The following EXOC3L4 variants were observed in gnomAD, a reference collection of about 807,000 sequenced individuals.
The protein encoded by EXOC3L4 is exocyst complex component 3-like protein 4.
EXOC3L4 carries 62 observed loss-of-function variants against 69.7 expected under a neutral mutation model. The observed-to-expected ratio is 0.89, with a 90% CI of 0.72 to 1.10. The LOEUF (loss-of-function observed/expected upper bound fraction) is 1.10, where lower values mean the gene tolerates loss of function less well. Ranked by LOEUF, EXOC3L4 falls within the 50% of genes least tolerant of loss-of-function variation. EXOC3L4 has a pLI of 0.00. For missense variants in EXOC3L4, 1,087 were observed against 1,034.8 expected, an observed-to-expected ratio of 1.05 and a Z score of -0.69; for synonymous variants, 502 against 464.2, an observed-to-expected ratio of 1.08 and a Z score of -1.05.
At chr14:103,108,361 G>C (rs754387947) in intron 10 of EXOC3L4, 35 bp from the exon 11 acceptor site, 17 of 1,608,034 alleles carry the variant, frequency 1.1e-5, no homozygotes, top group Middle Eastern at 3.3e-4. Flanking sequence ...GGTGGGGAGA[G>C]GGCTGTTGGG....
intron 8 of EXOC3L4, 131 bp from the exon 9 acceptor site, chr14:103,107,293 G>A: frequency 2.9e-5 from 40 of 1,393,890 alleles, no homozygotes; most frequent in Non-Finnish European, 3.9e-5. Flanking sequence ...GACATAACCT[G>A]TGGCTAGGAG....
upstream of EXOC3L4, among the ~76,000 whole-genome samples, chr14:103,094,197 C>G (rs1286829772): frequency 6.6e-6 from 1 of 152,162 alleles, no homozygotes; most frequent in African/African-American, 2.4e-5. Flanking sequence ...TCCTGTCTGT[C>G]CCTAGGGCCC....
intron 10 of EXOC3L4, 67 bp from the exon 11 acceptor site, chr14:103,108,329 C>T (rs1890697299): frequency 1.3e-6 from 2 of 1,586,974 alleles, no homozygotes; most frequent in African/African-American, 2.7e-5. Flanking sequence ...TGACCTCGCG[C>T]TCTTGCAGGA....
Position 103,103,988 on chromosome 14 carries a change from T to G in EXOC3L4, c.1097T>G (p.Leu366Arg), listed in dbSNP as rs1308622280. The change falls in exon 4 of 12, where the codon CTG (leucine) becomes CGG (arginine). Residue 366 changes from leucine (L) to arginine (R), a missense_variant. By Grantham distance (102) the Leu-to-Arg change is moderately radical. Transcript: ENST00000688303. ...APGLALPAEP[L>R]PPLLAPDVWA... ...GGGCTGGCGCTGCCCGCCGAGCCGC[T>G]GCCTCCGCTCCTGGCGCCGGACGTG... is the stretch of plus-strand genomic sequence containing the variant. The G allele has an allele frequency of 6.4e-7, 1 of 1,572,046 alleles. No homozygotes were observed. Among genetic ancestry groups the G allele is most frequent in the South Asian group, 1.1e-5 (1 of 87,042 alleles).
Position 103,100,575 on chromosome 14 carries a change from C to T in EXOC3L4, c.356C>T (p.Ser119Phe), listed in dbSNP as rs867924795. 3 of 1,608,830 alleles carry T rather than the reference C, an allele frequency of 1.9e-6. No homozygotes were observed. The highest frequency in any genetic ancestry group is 2.5e-6 in the Non-Finnish European group (3 of 1,176,474). Residue 119 changes from serine (S) to phenylalanine (F), a missense_variant, in exon 2 of 12, where the codon TCC becomes TTC. By Grantham distance (155) the Ser-to-Phe change is radical. Coordinates refer to ENST00000688303, the MANE Select transcript of EXOC3L4 (RefSeq NM_001077594.2). ...ATGAATGGTGTCAGCCAGCAGGCAT[C>T]CACTGGGGCAGCGTCTGAGGAACTG... Reference protein sequence around the residue: ...GVMNGVSQQASTGAASEELKP... With the variant: ...GVMNGVSQQAFTGAASEELKP...
chr14:103,097,102 G>A lies in EXOC3L4; in HGVS notation c.-17+2262G>A, dbSNP rs1185736330. Among the ~76,000 whole-genome samples, 1 of 127,128 alleles carries A rather than the reference G, an allele frequency of 7.9e-6. No individual in the cohort carries two copies. Among genetic ancestry groups the A allele is most frequent in the East Asian group, 2.7e-4 (1 of 3,700 alleles). 83.4% of individuals were successfully genotyped at this position (127,128 alleles called of 152,430 possible). A position where few individuals can be genotyped will look rare whatever the true frequency, so the allele number is the denominator to read the frequency against. On this transcript the variant is annotated intron_variant, in intron 1 of 11. Coordinates refer to ENST00000688303, the MANE Select transcript of EXOC3L4 (RefSeq NM_001077594.2). This position sits in a 1 kb window ranked among gnomAD's most constrained non-coding sequence, Gnocchi z 4.9. ...CAGCTACGGGAGGGAAGGTCTAGGGGAAAGCGGGGAGTAGAAGCTGAGGCT... is the reference window on the plus strand; with the variant it reads ...CAGCTACGGGAGGGAAGGTCTAGGGAAAAGCGGGGAGTAGAAGCTGAGGCT...
rs781630422 is a variant in EXOC3L4 at position 103,106,833 on chromosome 14, G to A, written c.1515G>A (p.Lys505=). 1.9e-6 allele frequency: 3 copies of A among 1,596,262 alleles called. No individual in the cohort carries two copies. Among genetic ancestry groups the A allele is most frequent in the South Asian group, 1.1e-5 (1 of 88,064 alleles). The change falls in exon 8 of 12, where the codon AAG becomes AAA. Residue 505 remains lysine (K), a synonymous_variant. Coordinates refer to ENST00000688303, the MANE Select transcript of EXOC3L4 (RefSeq NM_001077594.2). ...CAGGAACCCAAGAGGAGCTGGAGAA[G>A]CCCCTGGTGACGGCCACCTGCAGCT... The part of the protein sequence containing the change: ...RFPGTQEELE[K]PLVTATCSFQ...
At chr14:103,100,073 T>C in intron 1 of EXOC3L4, 131 bp from the exon 2 acceptor site, 3 of 1,020,746 alleles carry the variant, frequency 2.9e-6, no homozygotes, top group Non-Finnish European at 2.7e-6. Flanking sequence ...TGGTGATGCT[T>C]CCTTTTGACA....
intron 11 of EXOC3L4, among the ~76,000 whole-genome samples, chr14:103,109,207 T>G (rs1399081520): frequency 6.2e-5 from 3 of 48,762 alleles, no homozygotes; most frequent in Admixed American, 5.2e-4. Flanking sequence ...CCTGTCCCCA[T>G]GTCTCCCTCC....
chr14:103,105,206 G>C, intron 7 of EXOC3L4, 134 bp downstream of exon 7: 1 of 882,330 alleles, frequency 1.1e-6, no homozygotes, highest in Non-Finnish European at 1.7e-6. Context: ...GTTTGTGTCT[G>C]TGTGTTGGTG....
At chr14:103,109,042 T>TC in intron 11 of EXOC3L4, among the ~76,000 whole-genome samples, 1 of 151,784 alleles carries the variant, frequency 6.6e-6, no homozygotes, top group African/African-American at 2.4e-5. Context: ...AGGCCTGTCT[T>TC]CCAGGCTGTG....
rs530977826 is a variant in EXOC3L4, at chr14:103,104,181, G to C, written c.1162-86G>C. ...ACCCTGTGGCCCCCGGCGCGGGCTT[G>C]TGACCCGACAGGGCGGCCCTCATCC... On this transcript the variant is annotated intron_variant, in intron 4 of 11. Transcript: ENST00000688303. 2.3e-4 allele frequency: 335 copies of C among 1,453,370 alleles called. 3 individuals carry two copies. In the South Asian group the frequency reaches 4.5e-3, roughly 20 times the overall value. The allele number at this position is 1,453,370 out of a possible 1,614,324, so 90.0% of individuals were successfully genotyped here. A position where few individuals can be genotyped will look rare whatever the true frequency, so the allele number is the denominator to read the frequency against.
At position 103,102,737 on chromosome 14, in the gene EXOC3L4, T is replaced by G; in HGVS notation, c.1014T>G (p.Tyr338Ter). 1 of 1,424,416 alleles carries G rather than the reference T, an allele frequency of 7.0e-7. No homozygotes were observed. The highest frequency in any genetic ancestry group is 1.5e-5 in the South Asian group (1 of 68,674). The allele number at this position is 1,424,416 out of a possible 1,614,324, so 88.2% of individuals were successfully genotyped here. A position where few individuals can be genotyped will look rare whatever the true frequency, so the allele number is the denominator to read the frequency against. Residue 338 changes from tyrosine to a stop codon, truncating the protein, a stop_gained, in exon 3 of 12, where the codon TAT (tyrosine) becomes TAG (stop). Transcript: ENST00000688303. LOFTEE classifies it high-confidence loss of function. The stretch of plus-strand genomic sequence containing the variant: ...ACGCCCGCGGCTGCGAGCAGCTCTA[T>G]ATCCTGCTGGACTGGGCCGCCAACG... ...ARDARGCEQL[Y>*]ILLDWAANVY...
At chr14:103,098,350 G>T (rs1213456240) in intron 1 of EXOC3L4, among the ~76,000 whole-genome samples, 1 of 152,034 alleles carries the variant, frequency 6.6e-6, no homozygotes, top group East Asian at 1.9e-4. Context: ...GTGGAGACGT[G>T]GCAGGTCCCG....
intron 1 of EXOC3L4, among the ~76,000 whole-genome samples, chr14:103,096,763 G>A (rs1889907189): frequency 6.6e-6 from 1 of 152,222 alleles, no homozygotes; most frequent in Non-Finnish European, 1.5e-5. Flanking sequence ...GAAAACCCAA[G>A]TGCTGTTGGG....
At chr14:103,108,122 C>G (rs1248586809) in intron 10 of EXOC3L4, among the ~76,000 whole-genome samples, 1 of 152,198 alleles carries the variant, frequency 6.6e-6, no homozygotes, top group Non-Finnish European at 1.5e-5. Flanking sequence ...TCGTCTGCCC[C>G]CTAGCAGTGC....
At position 103,102,509 on chromosome 14, in the gene EXOC3L4, G is replaced by A; in HGVS notation, c.786G>A (p.Ala262=). 2 of 1,382,960 alleles carry A rather than the reference G, an allele frequency of 1.4e-6. No individual in the cohort carries two copies. The highest frequency in any genetic ancestry group is 1.9e-6 in the Non-Finnish European group (2 of 1,074,892). 85.7% of individuals were successfully genotyped at this position (1,382,960 alleles called of 1,614,324 possible). Residue 262 remains alanine (A), a synonymous_variant, in exon 3 of 12, where the codon GCG becomes GCA. Transcript: ENST00000688303. ...AGGAGCGCGTGCGGCGGCCGGGCGC[G>A]GGGTGGGCCTTCGGGGAGGCGGAGG... The part of the protein sequence containing the change: ...SAQERVRRPG[A]GWAFGEAEGA...
Position 103,104,077 on chromosome 14 carries a change from G to A in EXOC3L4, c.1161+25G>A. On this transcript the variant is annotated intron_variant, in intron 4 of 11. Transcript: ENST00000688303. ...GGTCAGGCCGGGCGGGTCAGGCTGG[G>A]CGGGCCAGGCTGGAGGGGGCGGGCC... The A allele has an allele frequency of 1.3e-6, 2 of 1,528,416 alleles. 1 individual carries two copies. Among genetic ancestry groups the A allele is most frequent in the South Asian group, 2.4e-5 (2 of 82,062 alleles). The allele number at this position is 1,528,416 out of a possible 1,614,324, so 94.7% of individuals were successfully genotyped here. A position where few individuals can be genotyped will look rare whatever the true frequency, so the allele number is the denominator to read the frequency against.
At chr14:103,104,599 G>C in intron 5 of EXOC3L4, 139 bp from the exon 6 acceptor site, 1 of 1,223,732 alleles carries the variant, frequency 8.2e-7, no homozygotes, top group Non-Finnish European at 1.1e-6. Flanking sequence ...TGACTCTCCA[G>C]TTGGGCGGCT....
Sources: gnomAD v4.1 joint callset for allele counts (sites outside exome capture counted in the v4.1 genomes callset) on GRCh38, gnomAD v4.1.1 for gene constraint, Gnocchi (gnomAD v3.1) non-coding constraint, MANE v1.5 for transcripts, NCBI Gene and HGNC (gene_info 2026-07-23, HGNC 2026-07-21) for gene names.